Variants in ZFHX3 observed in about 807,000 individuals in gnomAD.
ZFHX3 encodes the protein zinc finger homeobox protein 3.
ZFHX3 carries 42 observed loss-of-function variants against 279.1 expected under a neutral mutation model. The observed-to-expected ratio is 0.15, with a 90% CI of 0.12 to 0.19. The LOEUF is 0.19. ZFHX3 is among the 10% of genes least tolerant of loss of function. The pLI is 1.00. For synonymous variants in ZFHX3, 2,293 were observed against 1,957.8 expected (o/e 1.17, Z -4.52); for missense variants, 4,981 against 4,754.0 (o/e 1.05, Z -1.40).
intron 3 of ZFHX3, among the ~76,000 whole-genome samples, chr16:72,906,811 C>T (rs955026017): frequency 7.9e-5 from 12 of 151,948 alleles, no homozygotes; most frequent in African/African-American, 2.7e-4. Context: ...CCCTTCCCCC[C>T]CTCAAAAAAC....
At position 73,630,825 on chromosome 16, in the gene ZFHX3, T is replaced by G. The variant is rs138869069; in HGVS notation, c.-1547+49355A>C. Among the ~76,000 whole-genome samples the G allele has an allele frequency of 2.1e-4, 32 of 152,296 alleles. No individual in the cohort carries two copies. The East Asian group carries it at 6.2e-3, about 29-fold the overall frequency. ...TCAGGAGAAATGACAATCTTGCTAT[T>G]TAAATATGTTTTTGACAATGCCATT... On this transcript the variant is annotated intron_variant, in intron 2 of 17. Coordinates refer to the ZFHX3 transcript ENST00000641206.
intron 4 of ZFHX3, among the ~76,000 whole-genome samples, chr16:73,315,733 G>T (rs999944578): frequency 7.2e-5 from 11 of 152,180 alleles, no homozygotes; most frequent in African/African-American, 2.4e-4. Context: ...ACTAGCAAAC[G>T]CAAAGTGCCT....
chr16:73,740,889 C>G (rs1225724455), intron 1 of ZFHX3, among the ~76,000 whole-genome samples: 1 of 152,152 alleles, frequency 6.6e-6, no homozygotes, highest in Non-Finnish European at 1.5e-5. Context: ...TTGAGGGACA[C>G]CCTGAGGTTA....
chr16:73,601,317 A>G (rs2052113334), intron 2 of ZFHX3, among the ~76,000 whole-genome samples: 3 of 150,766 alleles, frequency 2.0e-5, no homozygotes, highest in Admixed American at 2.0e-4. Flanking sequence ...AAAAAAAAAA[A>G]AAATTAGCTG....
chr16:73,740,925 G>A (rs1482101925), intron 1 of ZFHX3, among the ~76,000 whole-genome samples: 3 of 151,970 alleles, frequency 2.0e-5, no homozygotes, highest in Non-Finnish European at 4.4e-5. Context: ...AACTGATTAT[G>A]AGATGGCCAA....
intron 1 of ZFHX3, among the ~76,000 whole-genome samples, chr16:73,782,874 G>A (rs968933242): frequency 2.0e-5 from 3 of 152,184 alleles, no homozygotes; most frequent in Non-Finnish European, 2.9e-5. Flanking sequence ...GGAATAAACT[G>A]TTGTGTTAAG....
intron 7 of ZFHX3, among the ~76,000 whole-genome samples, chr16:73,099,587 T>C (rs1323928526): frequency 6.6e-6 from 1 of 151,844 alleles, no homozygotes; most frequent in East Asian, 1.9e-4. Context: ...TGCAGGCACC[T>C]TTAATCCCAG....
chr16:73,831,397 A>G (rs1256539596), intron 1 of ZFHX3, among the ~76,000 whole-genome samples: 1 of 152,210 alleles, frequency 6.6e-6, no homozygotes, highest in Non-Finnish European at 1.5e-5. Context: ...GAGGTGCTAA[A>G]TAAGTTAGTG....
At chr16:73,103,630 G>A (rs116128250) in intron 7 of ZFHX3, among the ~76,000 whole-genome samples, 445 of 152,204 alleles carry the variant, frequency 2.9e-3, no homozygotes, top group African/African-American at 9.5e-3. Flanking sequence ...ATCATAGCTC[G>A]TGCCTCCTTT....
intron 2 of ZFHX3, among the ~76,000 whole-genome samples, chr16:73,510,706 G>A (rs1236215652): frequency 6.6e-6 from 1 of 152,210 alleles, no homozygotes; most frequent in East Asian, 1.9e-4. Flanking sequence ...CAACCATACA[G>A]CAGCTCAGAT....
chr16:73,015,738 G>C (rs1432740393), intron 1 of ZFHX3: 1 of 152,244 alleles, frequency 6.6e-6, no homozygotes, highest in Non-Finnish European at 1.5e-5. Context: ...AAAGGAAACA[G>C]AATGGCTCGG....
At chr16:72,973,730 G>A (rs1002602095) in intron 1 of ZFHX3, 1 of 152,186 alleles carries the variant, frequency 6.6e-6, no homozygotes, top group Non-Finnish European at 1.5e-5. Context: ...AAATTAGCCA[G>A]GCGTAGTGGT....
intron 1 of ZFHX3, among the ~76,000 whole-genome samples, chr16:73,031,861 G>A (rs1379219704): frequency 6.6e-6 from 1 of 152,108 alleles, no homozygotes; most frequent in East Asian, 1.9e-4. Context: ...AGTTAGAGTG[G>A]GGAAGGGGGG....
chr16:73,842,315 G>A (rs1303721938), intron 1 of ZFHX3, among the ~76,000 whole-genome samples: 1 of 152,118 alleles, frequency 6.6e-6, no homozygotes, highest in Non-Finnish European at 1.5e-5. Flanking sequence ...GGGAAATGGT[G>A]GCTGAGAAAG....
intron 3 of ZFHX3, chr16:73,402,282 C>G (rs372234805): frequency 6.6e-6 from 1 of 152,178 alleles, no homozygotes; most frequent in Non-Finnish European, 1.5e-5. Flanking sequence ...CAAAGGGAAC[C>G]CTTGTTTCCT....
At position 73,096,558 on chromosome 16, in the gene ZFHX3, A is replaced by C. The variant is rs1045892949; in HGVS notation, c.-896-2960T>G. 6.1e-5 allele frequency among the ~76,000 whole-genome samples: 9 copies of C among 148,508 alleles called. 1 individual carries two copies. In the South Asian group the frequency reaches 2.0e-3, roughly 33 times the overall value. On this transcript the variant is annotated intron_variant, in intron 7 of 17. Coordinates refer to the ZFHX3 transcript ENST00000641206. ...GCTGGGATTATAGGTGTGCACCATG[A>C]AGCCCAGCTAATTTTTTTTTTTTTT...
At chr16:73,756,793 C>G (rs554618336) in intron 1 of ZFHX3, among the ~76,000 whole-genome samples, 2 of 147,978 alleles carry the variant, frequency 1.4e-5, no homozygotes, top group Non-Finnish European at 1.5e-5. Flanking sequence ...TCTCCTCAAG[C>G]CCCTATTGTG....
At chr16:73,838,733 TGTGTGTGTGCGCACATGC>T (rs1961211628) in intron 1 of ZFHX3, among the ~76,000 whole-genome samples, 2 of 150,104 alleles carry the variant, frequency 1.3e-5, no homozygotes, top group Non-Finnish European at 2.9e-5. Context: ...ACTGCTACTG[TGTGTGTGTGCGCACATGC>T]GTGTGTGTGT....
intron 7 of ZFHX3, among the ~76,000 whole-genome samples, chr16:73,117,284 A>G (rs1398694880): frequency 6.6e-6 from 1 of 152,104 alleles, no homozygotes; most frequent in African/African-American, 2.4e-5. Context: ...TGTAGTGGCC[A>G]TAAATACTGT....
Sources: allele counts gnomAD v4.1 joint callset (sites outside exome capture counted in the v4.1 genomes callset), GRCh38; gene constraint gnomAD v4.1.1; transcripts MANE v1.5; gene names NCBI Gene and HGNC (gene_info 2026-07-23, HGNC 2026-07-21).